Variants in ABCG1 observed in about 807,000 individuals in gnomAD.
The protein encoded by ABCG1 is ATP binding cassette subfamily G member 1.
In ABCG1, 29 loss-of-function variants were observed where a neutral mutation model predicts 69.2. The ratio of observed to expected loss-of-function variants is 0.42; its 90% CI spans 0.31 to 0.57. The LOEUF is 0.57. Among genes scored for constraint, ABCG1 ranks in the 20% least tolerant of loss-of-function variants. ABCG1 has a pLI of 0.15. For missense variants in ABCG1, 718 were observed against 898.1 expected, an observed-to-expected ratio of 0.80 and a Z score of 2.56; for synonymous variants, 370 against 374.8, an observed-to-expected ratio of 0.99 and a Z score of 0.15.
At chr21:42,259,004 G>A (rs1017761319) in intron 2 of ABCG1, among the ~76,000 whole-genome samples, 1 of 152,224 alleles carries the variant, frequency 6.6e-6, no homozygotes, top group Non-Finnish European at 1.5e-5. Flanking sequence ...GGCATAGCCA[G>A]TGCTTTCCCT....
At position 42,245,231 on chromosome 21, in the gene ABCG1, T is replaced by G. The variant is rs367942742; in HGVS notation, c.286+19317T>G. On this transcript the variant is annotated intron_variant, in intron 2 of 14. Transcript: ENST00000398449. ...CCGAGGACTTCTGAAAAGCCACAGATGGAAGAACCAAAGAAAACAGGATTT... is the reference window on the plus strand; with the variant it reads ...CCGAGGACTTCTGAAAAGCCACAGAGGGAAGAACCAAAGAAAACAGGATTT... Among the ~76,000 whole-genome samples, 234 of 152,292 alleles carry G rather than the reference T, an allele frequency of 1.5e-3. 1 individual carries two copies. The highest frequency in any genetic ancestry group is 6.8e-3 in the Middle Eastern group (2 of 294).
At chr21:42,239,604 G>A (rs2068022135) in intron 2 of ABCG1, among the ~76,000 whole-genome samples, 2 of 152,226 alleles carry the variant, frequency 1.3e-5, no homozygotes, top group African/African-American at 4.8e-5. Flanking sequence ...AAGGGGAGGT[G>A]TAGGGGCCTG....
At chr21:42,218,813 CT>C (rs1433892831), upstream of ABCG1, among the ~76,000 whole-genome samples, 1 of 152,232 alleles carries the variant, frequency 6.6e-6, no homozygotes, top group African/African-American at 2.4e-5. Flanking sequence ...CACACAGCCG[CT>C]TGAGGCTTGG....
chr21:42,231,992 G>A (rs1169926863), intron 2 of ABCG1, among the ~76,000 whole-genome samples: 3 of 152,176 alleles, frequency 2.0e-5, no homozygotes, highest in Admixed American at 6.5e-5. Flanking sequence ...GAATTCAGAG[G>A]ACTGGAGAAC....
chr21:42,294,457 G>A (rs1221214239), intron 13 of ABCG1, 85 bp from the exon 14 acceptor site: 21 of 1,075,908 alleles, frequency 2.0e-5, no homozygotes, highest in Non-Finnish European at 2.9e-5. Context: ...GCCCTGCCCG[G>A]GGGAAGCTGG....
chr21:42,273,293 G>A lies in ABCG1; in HGVS notation c.405-10G>A. On this transcript the variant is annotated splice_polypyrimidine_tract_variant and intron_variant, in intron 3 of 14. Coordinates refer to ENST00000398449, the MANE Select transcript of ABCG1 (RefSeq NM_016818.3). This position sits in a 1 kb window ranked among gnomAD's most constrained non-coding sequence, Gnocchi z 5.3. ...CCGGCTGACGGCTTCTCCTGTCCTT[G>A]GTTCTGCAGGGAGACGGGCATGAAG... 1.2e-6 allele frequency: 2 copies of A among 1,610,440 alleles called. No homozygotes were observed. Among genetic ancestry groups the A allele is most frequent in the Middle Eastern group, 1.7e-4 (1 of 6,026 alleles).
intron 7 of ABCG1, 103 bp from the exon 8 acceptor site, chr21:42,285,777 C>CTGATTGAT: frequency 2.5e-6 from 2 of 808,280 alleles, no homozygotes; most frequent in South Asian, 3.0e-5. Flanking sequence ...GCTGGGCTGA[C>CTGATTGAT]TGATTGATCG....
intron 2 of ABCG1, among the ~76,000 whole-genome samples, chr21:42,232,670 C>A (rs1482043845): frequency 2.6e-5 from 4 of 152,164 alleles, no homozygotes; most frequent in African/African-American, 9.7e-5. Flanking sequence ...GGTGGGTGCC[C>A]CCCTGCCTTC....
chr21:42,265,295 C>T (rs573675299), intron 2 of ABCG1, among the ~76,000 whole-genome samples: 39 of 152,186 alleles, frequency 2.6e-4, no homozygotes, highest in Non-Finnish European at 4.0e-4. Flanking sequence ...GTTGCATCCC[C>T]CAAATAGATA....
chr21:42,221,703 A>C (rs904249915), intron 1 of ABCG1, among the ~76,000 whole-genome samples: 1 of 152,196 alleles, frequency 6.6e-6, no homozygotes, highest in African/African-American at 2.4e-5. Flanking sequence ...GGCAGGTACC[A>C]AGGCTGGCAG....
chr21:42,237,793 G>A (rs1029774063), intron 2 of ABCG1, among the ~76,000 whole-genome samples: 2 of 152,200 alleles, frequency 1.3e-5, no homozygotes, highest in Non-Finnish European at 2.9e-5. Context: ...CTTCACGCAG[G>A]TGGTTTCTGA....
chr21:42,264,549 C>T (rs1448197411), intron 2 of ABCG1, among the ~76,000 whole-genome samples: 1 of 146,094 alleles, frequency 6.8e-6, no homozygotes, highest in African/African-American at 2.5e-5. Context: ...ATTCATCCAT[C>T]CATTCAGCGA....
At chr21:42,262,759 T>G (rs2068435126) in intron 2 of ABCG1, among the ~76,000 whole-genome samples, 1 of 152,216 alleles carries the variant, frequency 6.6e-6, no homozygotes, top group Non-Finnish European at 1.5e-5. Context: ...TGACCTACCG[T>G]GTGACCTTGA....
chr21:42,261,593 G>T (rs1020772779), intron 2 of ABCG1, among the ~76,000 whole-genome samples: 1 of 152,186 alleles, frequency 6.6e-6, no homozygotes. Flanking sequence ...GTGTATCGGG[G>T]ACTGCCCGCT....
At position 42,284,575 on chromosome 21, in the gene ABCG1, C is replaced by T. The variant is rs1362586415; in HGVS notation, c.750C>T (p.Ala250=). ...FDEPTSGLDS[A]SCFQVVSLMK... is the part of the protein sequence containing the mutation. ...TGACTTGCAGCGGCCTGGACAGCGC[C>T]TCCTGCTTCCAGGTGGTCTCGCTGA... Residue 250 remains alanine, a synonymous_variant, in exon 7 of 15, where the codon GCC becomes GCT. Transcript: ENST00000398449. 4.3e-6 allele frequency: 7 copies of T among 1,613,514 alleles called. No homozygotes were observed. Among genetic ancestry groups the T allele is most frequent in the Admixed American group, 3.3e-5 (2 of 60,008 alleles).
At chr21:42,209,481 G>A (rs2067569423) in intron 2 of ABCG1, among the ~76,000 whole-genome samples, 1 of 152,136 alleles carries the variant, frequency 6.6e-6, no homozygotes. Flanking sequence ...TGAGATGCTG[G>A]AATTTATCAT....
chr21:42,252,524 C>CT (rs1440544106), intron 2 of ABCG1, among the ~76,000 whole-genome samples: 8 of 152,086 alleles, frequency 5.3e-5, no homozygotes, highest in Admixed American at 2.6e-4. Context: ...AGGGACACTT[C>CT]TTTCGTTGTC....
chr21:42,261,233 A>G (rs1268486506), intron 2 of ABCG1, among the ~76,000 whole-genome samples: 2 of 142,224 alleles, frequency 1.4e-5, no homozygotes, highest in Non-Finnish European at 3.1e-5. Flanking sequence ...CCACCCAGGC[A>G]GCTCTGGAGT....
chr21:42,260,192 G>A, intron 2 of ABCG1: 1 of 1,549,744 alleles, frequency 6.5e-7, no homozygotes, highest in Non-Finnish European at 8.7e-7. Context: ...TGGCCCTAAA[G>A]GCATTCAGAG....
Sources: allele counts gnomAD v4.1 joint callset (sites outside exome capture counted in the v4.1 genomes callset), GRCh38; gene constraint gnomAD v4.1.1; non-coding constraint Gnocchi (gnomAD v3.1); transcripts MANE v1.5; gene names NCBI Gene and HGNC (gene_info 2026-07-23, HGNC 2026-07-21).